Variants in GNE observed in about 807,000 individuals in gnomAD.
GNE encodes glucosamine (UDP-N-acetyl)-2-epimerase/N-acetylmannosamine kinase.
Under a neutral mutation model 61.8 loss-of-function variants are expected in GNE, and 41 were observed. The ratio of observed to expected loss-of-function variants is 0.66; its 90% CI spans 0.52 to 0.86. The LOEUF (loss-of-function observed/expected upper bound fraction) is 0.86, where lower values mean the gene tolerates loss of function less well. Ranked by LOEUF, GNE falls within the 40% of genes least tolerant of loss-of-function variation. GNE has a pLI of 0.00. For synonymous variants in GNE, 264 were observed against 326.4 expected (o/e 0.81, Z 2.06); for missense variants, 608 against 909.1 (o/e 0.67, Z 4.26).
At chr9:36,258,103 C>T (rs1435496116) in intron 1 of GNE, among the ~76,000 whole-genome samples, 1 of 152,208 alleles carries the variant, frequency 6.6e-6, no homozygotes, top group Non-Finnish European at 1.5e-5. Flanking sequence ...CAGGGCCCAC[C>T]CCGAGCCACA....
intron 3 of GNE, among the ~76,000 whole-genome samples, chr9:36,237,548 G>A (rs1829443034): frequency 6.6e-6 from 1 of 152,066 alleles, no homozygotes; most frequent in Non-Finnish European, 1.5e-5. Context: ...AATTTAAAAG[G>A]TAAAAAGTTT....
intron 7 of GNE, among the ~76,000 whole-genome samples, chr9:36,224,522 C>CT (rs1226359084): frequency 6.6e-6 from 1 of 152,110 alleles, no homozygotes; most frequent in Non-Finnish European, 1.5e-5. Context: ...TCTGGATACT[C>CT]TATTTCCTTA....
intron 4 of GNE, among the ~76,000 whole-genome samples, chr9:36,235,705 T>G (rs1829362066): frequency 6.6e-6 from 1 of 152,170 alleles, no homozygotes; most frequent in Non-Finnish European, 1.5e-5. Flanking sequence ...ATTCTTAAAT[T>G]TTTTTCCAAC....
At chr9:36,223,814 C>T (rs889877452) in intron 7 of GNE, among the ~76,000 whole-genome samples, 17 of 151,366 alleles carry the variant, frequency 1.1e-4, no homozygotes, top group African/African-American at 3.2e-4. Context: ...CGCTATGGCG[C>T]GATCTCAGCT....
chr9:36,222,761 C>A lies in GNE; in HGVS notation c.1633+16G>T. 6.5e-7 allele frequency: 1 copy of A among 1,549,090 alleles called. No homozygotes were observed. The highest frequency in any genetic ancestry group is 8.9e-7 in the Non-Finnish European group (1 of 1,120,886). On this transcript the variant is annotated intron_variant, in intron 9 of 11. Coordinates refer to ENST00000642385, the MANE Select transcript of GNE (RefSeq NM_005476.7). ...ACATTCTAGCTCCTGAACCAACCTC[C>A]CCCTACCCCTCTTACCTGTGCCTGT...
At chr9:36,239,008 TTTTG>T (rs1829524355) in intron 3 of GNE, among the ~76,000 whole-genome samples, 2 of 152,174 alleles carry the variant, frequency 1.3e-5, no homozygotes, top group African/African-American at 4.8e-5. Flanking sequence ...CACTTTATAT[TTTTG>T]TTTGATTTGT....
intron 1 of GNE, among the ~76,000 whole-genome samples, chr9:36,255,035 A>G (rs1363096827): frequency 6.6e-6 from 1 of 152,144 alleles, no homozygotes; most frequent in Non-Finnish European, 1.5e-5. Flanking sequence ...CTTAGGTAAC[A>G]TTGTTCTATT....
At position 36,241,714 on chromosome 9, in the gene GNE, A is replaced by C. The variant is rs149852440; in HGVS notation, c.616+4317T>G. ...TGCCTTTCATTATTAGGAATTTAAC[A>C]TGCCTTTTTAACATTGCTAATTTTA... On this transcript the variant is annotated intron_variant, in intron 3 of 11. Coordinates refer to ENST00000642385, the MANE Select transcript of GNE (RefSeq NM_005476.7). Among the ~76,000 whole-genome samples the C allele has an allele frequency of 1.4e-3, 208 of 152,316 alleles. 1 individual carries two copies. Among genetic ancestry groups the C allele is most frequent in the African/African-American group, 4.6e-3 (193 of 41,564 alleles).
rs75042564 is a variant in GNE at position 36,243,336 on chromosome 9, C to T, written c.616+2695G>A. On this transcript the variant is annotated intron_variant, in intron 3 of 11. Coordinates refer to ENST00000642385, the MANE Select transcript of GNE (RefSeq NM_005476.7). ...CAGAGATTACAGGCATGTGCCACCA[C>T]ATCTGGCACATTATTATTTTCTATT... is the stretch of plus-strand genomic sequence containing the variant. 6.6e-5 allele frequency among the ~76,000 whole-genome samples: 10 copies of T among 152,316 alleles called. No homozygotes were observed. The East Asian group carries it at 1.7e-3, about 26-fold the overall frequency.
chr9:36,238,121 G>C (rs1563941266), intron 3 of GNE, among the ~76,000 whole-genome samples: 1 of 98,376 alleles, frequency 1.0e-5, no homozygotes, highest in Non-Finnish European at 2.1e-5. Flanking sequence ...GATATATATA[G>C]ATACACACAC....
intron 1 of GNE, among the ~76,000 whole-genome samples, chr9:36,264,369 A>G (rs1481217891): frequency 6.6e-6 from 1 of 152,072 alleles, no homozygotes; most frequent in African/African-American, 2.4e-5. Flanking sequence ...TCCTGAGCTC[A>G]GGCAATCCGC....
At chr9:36,253,814 G>C (rs2133144792) in intron 1 of GNE, among the ~76,000 whole-genome samples, 1 of 150,384 alleles carries the variant, frequency 6.6e-6, no homozygotes, top group Middle Eastern at 3.6e-3. Flanking sequence ...GAGGTGGGCG[G>C]ATCACCTGAG....
At chr9:36,231,257 G>A (rs1450345861) in intron 5 of GNE, among the ~76,000 whole-genome samples, 2 of 152,108 alleles carry the variant, frequency 1.3e-5, no homozygotes, top group Non-Finnish European at 2.9e-5. Context: ...TTGAGACCAG[G>A]AGTTTAAGAC....
rs1054873772 is a variant in GNE, at chr9:36,267,294, C to G, written c.51+9600G>C. Among the ~76,000 whole-genome samples, 5 of 152,328 alleles carry G rather than the reference C, an allele frequency of 3.3e-5. No homozygotes were observed. The South Asian group carries it at 6.2e-4, about 19-fold the overall frequency. ...GCCGACCAGTCAGCTTTTTAGAGCA[C>G]CTGTGGTGGTGAGCCATCCCTATGC... On this transcript the variant is annotated intron_variant, in intron 1 of 11. Coordinates refer to the GNE transcript ENST00000396594.
At chr9:36,260,041 T>C (rs1258231409), upstream of GNE, among the ~76,000 whole-genome samples, 38 of 151,932 alleles carry the variant, frequency 2.5e-4, no homozygotes. Flanking sequence ...AGTGGATGGA[T>C]ATGATGTTTA....
At chr9:36,228,852 A>T (rs1442569837) in intron 6 of GNE, among the ~76,000 whole-genome samples, 169 bp downstream of exon 6, 1 of 151,916 alleles carries the variant, frequency 6.6e-6, no homozygotes, top group Admixed American at 6.6e-5. Context: ...CCTTTGGAAC[A>T]GTAATAATGG....
At chr9:36,219,809 A>G (rs774180720) in intron 10 of GNE, 29 bp downstream of exon 10, 1 of 1,591,828 alleles carries the variant, frequency 6.3e-7, no homozygotes, top group Non-Finnish European at 8.6e-7. Context: ...CTATTTGGTT[A>G]CTTAATTCCT....
intron 3 of GNE, 123 bp from the exon 4 acceptor site, chr9:36,237,107 G>T: frequency 1.3e-6 from 1 of 774,616 alleles, no homozygotes; most frequent in Non-Finnish European, 2.2e-6. Context: ...GAAACAGTTT[G>T]TCAAATTGTG....
At chr9:36,245,972 A>C (rs934952290) in intron 3 of GNE, 59 bp downstream of exon 3, 4 of 1,313,128 alleles carry the variant, frequency 3.0e-6, no homozygotes, top group Non-Finnish European at 4.4e-6. Flanking sequence ...GGATTGAAAT[A>C]GACGGAACAT....
Sources: allele counts gnomAD v4.1 joint callset (sites outside exome capture counted in the v4.1 genomes callset), GRCh38; gene constraint gnomAD v4.1.1; transcripts MANE v1.5; gene names NCBI Gene and HGNC (gene_info 2026-07-23, HGNC 2026-07-21).